Variants in ITPR1 observed in about 807,000 individuals in gnomAD.
ITPR1 encodes the protein inositol 1,4,5-trisphosphate receptor type 1.
In ITPR1, 96 loss-of-function variants were observed where a neutral mutation model predicts 318.4. The ratio of observed to expected loss-of-function variants is 0.30; its 90% CI spans 0.26 to 0.36. The LOEUF (loss-of-function observed/expected upper bound fraction) is 0.36, where lower values mean the gene tolerates loss of function less well. Among genes scored for constraint, ITPR1 ranks in the 10% least tolerant of loss-of-function variants. ITPR1 has a pLI of 1.00. For missense variants in ITPR1, 2,440 were observed against 3,460.2 expected (o/e 0.71, Z 7.40); for synonymous variants, 1,312 against 1,289.9 (o/e 1.02, Z -0.37).
chr3:4,682,872 T>C (rs74826855), intron 26 of ITPR1, among the ~76,000 whole-genome samples: 3,265 of 126,418 alleles, frequency 0.026, 138 homozygotes, highest in African/African-American at 0.08. Context: ...TAGTCTGCCA[T>C]TTGATCTAGG....
chr3:4,761,269 C>CT (rs2045424500), intron 44 of ITPR1, among the ~76,000 whole-genome samples: 2 of 152,158 alleles, frequency 1.3e-5, no homozygotes, highest in Admixed American at 1.3e-4. Flanking sequence ...GCCCTTGCCC[C>CT]CGCCCAGGCA....
At chr3:4,747,459 G>A (rs561383575) in intron 44 of ITPR1, among the ~76,000 whole-genome samples, 214 of 152,318 alleles carry the variant, frequency 1.4e-3, no homozygotes, top group South Asian at 4.3e-3. Context: ...AGACATGGCC[G>A]CTTCAAGGAC....
chr3:4,638,427 C>G (rs1250334303), intron 5 of ITPR1, among the ~76,000 whole-genome samples: 2 of 152,180 alleles, frequency 1.3e-5, no homozygotes, highest in African/African-American at 4.8e-5. Flanking sequence ...CAGAGTTGCA[C>G]AGGTGAATGA....
At chr3:4,692,224 T>A (rs1355158292) in intron 32 of ITPR1, among the ~76,000 whole-genome samples, 2 of 151,704 alleles carry the variant, frequency 1.3e-5, no homozygotes, top group Non-Finnish European at 2.9e-5. Context: ...AAGGGTGCCA[T>A]GAGATACATT....
intron 10 of ITPR1, 65 bp downstream of exon 10, chr3:4,645,793 C>CTT (rs765013241): frequency 1.4e-6 from 2 of 1,448,150 alleles, no homozygotes; most frequent in South Asian, 2.4e-5. Context: ...TAGGCTCTCT[C>CTT]TCTCTCTATC....
chr3:4,828,407 G>C (rs890350214), intron 60 of ITPR1, among the ~76,000 whole-genome samples: 3 of 152,186 alleles, frequency 2.0e-5, no homozygotes, highest in African/African-American at 7.2e-5. Flanking sequence ...ATGCTGATGT[G>C]GGGAGAAGGG....
intron 10 of ITPR1, among the ~76,000 whole-genome samples, chr3:4,650,645 GCGCGCGTCTGTC>G (rs2093575992): frequency 5.0e-4 from 26 of 51,754 alleles, no homozygotes; most frequent in East Asian, 4.9e-3. Context: ...GTGTGTGTGT[GCGCGCGTCTGTC>G]TGTGTCTGTG....
chr3:4,835,939 A>G (rs1044325930), intron 60 of ITPR1, among the ~76,000 whole-genome samples: 2 of 152,132 alleles, frequency 1.3e-5, no homozygotes, highest in African/African-American at 4.8e-5. Context: ...GCCAGCACCC[A>G]TCAACCACTT....
intron 4 of ITPR1, among the ~76,000 whole-genome samples, chr3:4,523,109 G>A (rs901750388): frequency 6.6e-6 from 1 of 152,180 alleles, no homozygotes; most frequent in East Asian, 1.9e-4. Context: ...GGGAAGAGCT[G>A]ATCTAGGTTT....
intron 43 of ITPR1, among the ~76,000 whole-genome samples, chr3:4,734,748 A>T (rs1458935119): frequency 6.6e-6 from 1 of 152,254 alleles, no homozygotes; most frequent in East Asian, 1.9e-4. Flanking sequence ...TGTTAAAAGG[A>T]GAGCTAAAGT....
chr3:4,503,406 G>T (rs1162343857), intron 2 of ITPR1, among the ~76,000 whole-genome samples: 1 of 152,124 alleles, frequency 6.6e-6, no homozygotes, highest in Non-Finnish European at 1.5e-5. Flanking sequence ...TGTAGAATAG[G>T]TGTAAAAATA....
At chr3:4,815,006 A>G (rs748407329) in intron 58 of ITPR1, 47 bp from the exon 59 acceptor site, 2 of 1,516,726 alleles carry the variant, frequency 1.3e-6, no homozygotes, top group South Asian at 1.3e-5. Flanking sequence ...CCGCAGACCA[A>G]AGGGTCGCAA....
rs962236993 is a variant in ITPR1 at position 4,601,104 on chromosome 3, G to A, written c.164-26659G>A. 7.3e-5 allele frequency among the ~76,000 whole-genome samples: 11 copies of A among 151,352 alleles called. No homozygotes were observed. The South Asian group carries it at 2.1e-3, about 29-fold the overall frequency. ...ATCACCTGTTAGATGTAAAGGGGAA[G>A]GAAACCCATAATTTATGGTCAATTG... On this transcript the variant is annotated intron_variant, in intron 4 of 61. Coordinates refer to ENST00000649015, the MANE Select transcript of ITPR1 (RefSeq NM_001378452.1).
At chr3:4,738,976 G>C (rs1228983569) in intron 44 of ITPR1, among the ~76,000 whole-genome samples, 1 of 152,210 alleles carries the variant, frequency 6.6e-6, no homozygotes, top group Non-Finnish European at 1.5e-5. Context: ...GTCTAACCCA[G>C]TGTCTCACAG....
At chr3:4,724,070 C>A (rs1225418498) in intron 40 of ITPR1, among the ~76,000 whole-genome samples, 1 of 152,044 alleles carries the variant, frequency 6.6e-6, no homozygotes, top group Non-Finnish European at 1.5e-5. Context: ...ACTTTCCTTC[C>A]CCACTCATGT....
At chr3:4,810,163 C>T (rs1209976242) in intron 55 of ITPR1, among the ~76,000 whole-genome samples, 1 of 152,208 alleles carries the variant, frequency 6.6e-6, no homozygotes, top group Non-Finnish European at 1.5e-5. Context: ...AAATTAAAAG[C>T]AGTCAGGATT....
At chr3:4,845,568 G>A (rs2051702954) in intron 61 of ITPR1, among the ~76,000 whole-genome samples, 1 of 152,154 alleles carries the variant, frequency 6.6e-6, no homozygotes, top group Admixed American at 6.5e-5. Context: ...TACCGTGAAT[G>A]GTCACAGCAT....
At chr3:4,770,192 C>A (rs2046098046) in intron 46 of ITPR1, among the ~76,000 whole-genome samples, 1 of 152,166 alleles carries the variant, frequency 6.6e-6, no homozygotes, top group Admixed American at 6.5e-5. Context: ...ACCTGGCTGA[C>A]CTTATCCCCC....
At chr3:4,843,249 A>G (rs1364454014) in intron 61 of ITPR1, among the ~76,000 whole-genome samples, 4 of 152,184 alleles carry the variant, frequency 2.6e-5, no homozygotes, top group African/African-American at 4.8e-5. Context: ...TCAAAAGAGT[A>G]TCAGTCAAAT....
Sources: gnomAD v4.1 joint callset for allele counts (sites outside exome capture counted in the v4.1 genomes callset) on GRCh38, gnomAD v4.1.1 for gene constraint, MANE v1.5 for transcripts, NCBI Gene and HGNC (gene_info 2026-07-23, HGNC 2026-07-21) for gene names.